Variants in TBC1D19 observed in about 807,000 individuals in gnomAD.
The protein encoded by TBC1D19 is TBC1 domain family member 19.
A neutral mutation model predicts 89.0 loss-of-function variants in TBC1D19; 60 were observed. The ratio of observed to expected loss-of-function variants is 0.67; its 90% CI spans 0.55 to 0.84. The LOEUF (loss-of-function observed/expected upper bound fraction) is 0.84. Ranked by LOEUF, TBC1D19 falls within the 40% of genes least tolerant of loss-of-function variation. The pLI is 0.00. For missense variants in TBC1D19, 500 were observed against 610.8 expected (o/e 0.82, Z 1.91); for synonymous variants, 189 against 199.7 (o/e 0.95, Z 0.45).
chr4:26,727,811 G>A (rs1386182666), intron 15 of TBC1D19, among the ~76,000 whole-genome samples: 1 of 151,962 alleles, frequency 6.6e-6, no homozygotes, highest in Non-Finnish European at 1.5e-5. Flanking sequence ...TTATTTATAA[G>A]CCTTGATTAT....
chr4:26,653,233 C>G (rs1308408443), intron 7 of TBC1D19, among the ~76,000 whole-genome samples: 1 of 152,142 alleles, frequency 6.6e-6, no homozygotes, highest in African/African-American at 2.4e-5. Context: ...GTCTGAGAGA[C>G]AGTTTGTTAT....
At chr4:26,814,010 C>A in the TBC1D19 span, among the ~76,000 whole-genome samples, 1 of 152,172 alleles carries the variant, frequency 6.6e-6, no homozygotes, top group South Asian at 2.1e-4. Flanking sequence ...ACCATCAGCT[C>A]TTAGAGGTAG....
chr4:26,580,481 G>A (rs1235198433), upstream of TBC1D19, among the ~76,000 whole-genome samples: 1 of 152,166 alleles, frequency 6.6e-6, no homozygotes, highest in Non-Finnish European at 1.5e-5. Flanking sequence ...CTCTGAAGAG[G>A]GGCCTGGGGT....
At chr4:26,831,184 C>T in the TBC1D19 span, among the ~76,000 whole-genome samples, 1 of 152,108 alleles carries the variant, frequency 6.6e-6, no homozygotes, top group African/African-American at 2.4e-5. Context: ...AAAATAAAAT[C>T]TGTATACTTA....
At chr4:26,590,794 C>CTTT (rs1739720844) in intron 1 of TBC1D19, among the ~76,000 whole-genome samples, 1 of 31,764 alleles carries the variant, frequency 3.1e-5, no homozygotes, top group African/African-American at 1.1e-4. Context: ...TCTTGCAGGT[C>CTTT]TGTTTTTTTT....
the TBC1D19 span, among the ~76,000 whole-genome samples, chr4:26,772,769 A>G: frequency 6.6e-6 from 1 of 152,112 alleles, no homozygotes; most frequent in African/African-American, 2.4e-5. Context: ...TTCCAACTCC[A>G]TTCATGTCCC....
At chr4:26,778,698 A>G in the TBC1D19 span, among the ~76,000 whole-genome samples, 1 of 152,118 alleles carries the variant, frequency 6.6e-6, no homozygotes, top group Non-Finnish European at 1.5e-5. Context: ...TAGCCCTTGG[A>G]CCAGCATCAT....
intron 12 of TBC1D19, among the ~76,000 whole-genome samples, chr4:26,685,793 G>A (rs867591340): frequency 6.6e-6 from 1 of 152,174 alleles, no homozygotes; most frequent in Admixed American, 6.5e-5. Flanking sequence ...TATCAAAAAT[G>A]TAAGAGATCT....
chr4:26,802,901 G>A, the TBC1D19 span, among the ~76,000 whole-genome samples: 2 of 152,178 alleles, frequency 1.3e-5, no homozygotes, highest in African/African-American at 2.4e-5. Context: ...AGGTTCTGGC[G>A]AGGCCTCTTT....
intron 7 of TBC1D19, among the ~76,000 whole-genome samples, chr4:26,655,431 T>C (rs1488469916): frequency 5.3e-5 from 8 of 152,222 alleles, no homozygotes; most frequent in African/African-American, 1.9e-4. Context: ...CTGCAGAGGT[T>C]TCTGCTGCCT....
At chr4:26,732,847 T>G (rs1717749211) in intron 15 of TBC1D19, among the ~76,000 whole-genome samples, 1 of 152,158 alleles carries the variant, frequency 6.6e-6, no homozygotes. Context: ...TACATCCTCC[T>G]CTGGGCTGTA....
chr4:26,757,754 T>C (rs1438718930), downstream of TBC1D19, among the ~76,000 whole-genome samples: 1 of 152,160 alleles, frequency 6.6e-6, no homozygotes, highest in Non-Finnish European at 1.5e-5. Flanking sequence ...TAGCTTTTTC[T>C]CTCCCCCCAG....
At chr4:26,734,876 G>T (rs1011049513) in intron 15 of TBC1D19, among the ~76,000 whole-genome samples, 1 of 140,842 alleles carries the variant, frequency 7.1e-6, no homozygotes, top group African/African-American at 2.5e-5. Flanking sequence ...TTTTGTGTGT[G>T]TATATGTATA....
intron 1 of TBC1D19, among the ~76,000 whole-genome samples, chr4:26,585,548 A>G: frequency 6.6e-6 from 1 of 151,548 alleles, no homozygotes; most frequent in Admixed American, 6.6e-5. Context: ...AGTCTTTATC[A>G]GATGTGCGTC....
chr4:26,656,336 A>G lies in TBC1D19; in HGVS notation c.481-3261A>G, dbSNP rs148694558. 1.3e-3 allele frequency among the ~76,000 whole-genome samples: 192 copies of G among 152,202 alleles called. 1 individual carries two copies. Among genetic ancestry groups the G allele is most frequent in the African/African-American group, 4.1e-3 (172 of 41,540 alleles). ...TTACCCATATTAATTGAGGCATATT[A>G]TACTGTATTTTATTATATGAATTAA... On this transcript the variant is annotated intron_variant, in intron 7 of 20. Transcript: ENST00000264866.
chr4:26,820,883 C>T, the TBC1D19 span, among the ~76,000 whole-genome samples: 1 of 152,194 alleles, frequency 6.6e-6, no homozygotes. Context: ...AGACTGTAAG[C>T]TTCATCAGTA....
the TBC1D19 span, among the ~76,000 whole-genome samples, chr4:26,852,481 C>T: frequency 1.8e-3 from 269 of 152,220 alleles, 1 homozygote; most frequent in East Asian, 9.7e-4. Flanking sequence ...CCATTGAGCC[C>T]GAGAAGTCAA....
Position 26,659,659 on chromosome 4 carries a change from T to C in TBC1D19, c.543T>C (p.His181=), listed in dbSNP as rs150100634. The part of the protein sequence containing the change: ...ENGDSLSFRT[H]LGLIQVPLKV... ...GTGATTCTCTTAGTTTCAGGACTCATTTGGGTTTAATTCAAGTTCCACTGA... is the reference window on the plus strand; with the variant it reads ...GTGATTCTCTTAGTTTCAGGACTCACTTGGGTTTAATTCAAGTTCCACTGA... Residue 181 remains histidine, a synonymous_variant, in exon 8 of 21, where the codon CAT becomes CAC. Coordinates refer to ENST00000264866, the MANE Select transcript of TBC1D19 (RefSeq NM_018317.4). 6,107 of 1,595,636 alleles carry C rather than the reference T, an allele frequency of 3.8e-3. 17 individuals are homozygous for C. The highest frequency in any genetic ancestry group is 4.9e-3 in the Non-Finnish European group (5,730 of 1,166,952).
At chr4:26,815,969 T>TC in the TBC1D19 span, among the ~76,000 whole-genome samples, 1 of 152,194 alleles carries the variant, frequency 6.6e-6, no homozygotes, top group Admixed American at 6.5e-5. Context: ...GTGTGTGAGT[T>TC]CCACAGAACT....
Sources: gnomAD v4.1 joint callset for allele counts (sites outside exome capture counted in the v4.1 genomes callset) on GRCh38, gnomAD v4.1.1 for gene constraint, MANE v1.5 for transcripts, NCBI Gene and HGNC (gene_info 2026-07-23, HGNC 2026-07-21) for gene names.